The following ZFP64 variants were observed in gnomAD, a reference collection of about 807,000 sequenced individuals.
The protein encoded by ZFP64 is zinc finger protein 64.
ZFP64 carries 14 observed loss-of-function variants against 51.6 expected under a neutral mutation model. That is an observed-to-expected ratio of 0.27 (90% CI 0.18 to 0.42). The LOEUF (loss-of-function observed/expected upper bound fraction) is 0.42, where lower values mean the gene tolerates loss of function less well. Ranked by LOEUF, ZFP64 falls within the 10% of genes least tolerant of loss-of-function variation. The pLI, the probability that ZFP64 is intolerant of heterozygous loss-of-function variation, is 1.00. For missense variants in ZFP64, 754 were observed against 906.8 expected (o/e 0.83, Z 2.16); for synonymous variants, 375 against 361.4 (o/e 1.04, Z -0.43).
At chr20:52,110,958 CA>C (rs1471620447) in intron 5 of ZFP64, 1 of 1,539,532 alleles carries the variant, frequency 6.5e-7, no homozygotes, top group African/African-American at 1.4e-5. Context: ...TGTTGAACTT[CA>C]CCAAGACGAA....
intron 5 of ZFP64, among the ~76,000 whole-genome samples, chr20:52,125,490 A>G (rs1457322978): frequency 6.6e-6 from 1 of 152,242 alleles, no homozygotes; most frequent in African/African-American, 2.4e-5. Context: ...CAGCCATCAT[A>G]CACTAGTTAA....
chr20:52,094,491 T>C (rs2078963084), intron 7 of ZFP64, among the ~76,000 whole-genome samples: 1 of 152,160 alleles, frequency 6.6e-6, no homozygotes, highest in Admixed American at 6.5e-5. Context: ...GGGGGAAGGG[T>C]GGCTCACGCC....
At chr20:52,142,306 T>G (rs1444227266) in intron 5 of ZFP64, among the ~76,000 whole-genome samples, 1 of 151,090 alleles carries the variant, frequency 6.6e-6, no homozygotes, top group Non-Finnish European at 1.5e-5. Flanking sequence ...CGGCGGAGGT[T>G]GCAGTGAGCC....
chr20:52,092,266 A>C (rs2078935407), intron 7 of ZFP64, among the ~76,000 whole-genome samples: 1 of 152,340 alleles, frequency 6.6e-6, no homozygotes, highest in East Asian at 1.9e-4. Context: ...TTTCCTCTGC[A>C]TTGTAAGATG....
Position 52,084,375 on chromosome 20 carries a change from A to G in ZFP64, c.*182T>C, listed in dbSNP as rs191654874. 127 of 609,532 alleles carry G rather than the reference A, an allele frequency of 2.1e-4. No homozygotes were observed. In the East Asian group the frequency reaches 3.3e-3, roughly 16 times the overall value. The allele number at this position is 609,532 out of a possible 1,614,324, so 37.8% of individuals were successfully genotyped here. On this transcript the variant is annotated 3_prime_UTR_variant, in exon 9 of 9. Transcript: ENST00000361387. Reference sequence around the variant, plus strand: ...AGACAAATGCGAGGAGTGTCTCCACAGCCCTGCTTTGCTTTGCTTTCGTCA... The same window carrying G: ...AGACAAATGCGAGGAGTGTCTCCACGGCCCTGCTTTGCTTTGCTTTCGTCA...
At chr20:52,124,624 T>C (rs990724762) in intron 5 of ZFP64, among the ~76,000 whole-genome samples, 1 of 152,072 alleles carries the variant, frequency 6.6e-6, no homozygotes, top group Admixed American at 6.6e-5. Flanking sequence ...TATTTTTTTT[T>C]TTTGAAACAG....
intron 1 of ZFP64, among the ~76,000 whole-genome samples, chr20:52,187,413 G>GAACCT (rs1984050457): frequency 6.6e-6 from 1 of 152,036 alleles, no homozygotes; most frequent in East Asian, 1.9e-4. Context: ...CCTGAGGTCA[G>GAACCT]GAGTTCGAGA....
intron 7 of ZFP64, among the ~76,000 whole-genome samples, chr20:52,095,935 C>T (rs1291033100): frequency 1.3e-5 from 2 of 152,226 alleles, no homozygotes; most frequent in Admixed American, 6.5e-5. Flanking sequence ...AACTGAGCTG[C>T]CTCGTCTTTC....
At position 52,085,309 on chromosome 20, in the gene ZFP64, A is replaced by C; in HGVS notation, c.1229-43T>G. On this transcript the variant is annotated intron_variant, in intron 8 of 8. Coordinates refer to the ZFP64 transcript ENST00000361387. The surrounding 1 kb of genome is among the most constrained non-coding windows in gnomAD (Gnocchi z 4.3). ...GTTTCCATTAGAACAGGCAGGCAAA[A>C]CAGACCCTCCCACCCCAACCTGCCT... is the stretch of plus-strand genomic sequence containing the variant. 1 of 1,544,866 alleles carries C rather than the reference A, an allele frequency of 6.5e-7. No individual in the cohort carries two copies. The highest frequency in any genetic ancestry group is 8.8e-7 in the Non-Finnish European group (1 of 1,141,788).
Position 52,144,421 on chromosome 20 carries a change from T to C in ZFP64, c.763+15702A>G, listed in dbSNP as rs185660851. 4.9e-4 allele frequency among the ~76,000 whole-genome samples: 73 copies of C among 148,326 alleles called. 1 individual carries two copies. Among genetic ancestry groups the C allele is most frequent in the Non-Finnish European group, 1.6e-4 (11 of 66,800 alleles). On this transcript the variant is annotated intron_variant, in intron 5 of 8. Transcript: ENST00000361387. ...GGTGAAACCCCGTCTCTACAAAATA[T>C]ACAAAAAAATTAGCTGGGTGTGGTA... is the stretch of plus-strand genomic sequence containing the variant.
chr20:52,171,148 C>G (rs1009280447), intron 2 of ZFP64, among the ~76,000 whole-genome samples: 4 of 152,174 alleles, frequency 2.6e-5, no homozygotes, highest in Non-Finnish European at 4.4e-5. Flanking sequence ...CTGGCGCCTC[C>G]TAGCTGGATT....
chr20:52,165,355 C>T (rs944150067), intron 3 of ZFP64: 3 of 455,342 alleles, frequency 6.6e-6, no homozygotes, highest in African/African-American at 2.0e-5. Context: ...ATCACATTGT[C>T]AGCAACTTTC....
chr20:52,115,104 T>G (rs1978792549), intron 5 of ZFP64, among the ~76,000 whole-genome samples: 1 of 149,222 alleles, frequency 6.7e-6, no homozygotes, highest in Non-Finnish European at 1.5e-5. Flanking sequence ...ACTGGGAGGC[T>G]GAGGCAGGAG....
At chr20:52,132,250 G>A (rs755725425) in intron 5 of ZFP64, among the ~76,000 whole-genome samples, 12 of 151,898 alleles carry the variant, frequency 7.9e-5, no homozygotes, top group Non-Finnish European at 1.5e-4. Flanking sequence ...ATAACTATAA[G>A]AGTTTACATA....
chr20:52,146,042 T>C (rs956692242), intron 5 of ZFP64, among the ~76,000 whole-genome samples: 3 of 152,208 alleles, frequency 2.0e-5, no homozygotes, highest in African/African-American at 7.2e-5. Context: ...CTATAAGCCT[T>C]TTCTATTTTA....
chr20:52,097,466 T>G, intron 6 of ZFP64: 1 of 1,589,324 alleles, frequency 6.3e-7, no homozygotes, highest in Non-Finnish European at 8.5e-7. Flanking sequence ...TTTTTTTTTT[T>G]TTTTTGGAGA....
chr20:52,169,901 A>G (rs1256402079), intron 2 of ZFP64, among the ~76,000 whole-genome samples: 1 of 151,950 alleles, frequency 6.6e-6, no homozygotes, highest in Admixed American at 6.6e-5. Context: ...TAAAAATACA[A>G]AATTAGCTGG....
intron 2 of ZFP64, among the ~76,000 whole-genome samples, chr20:52,171,637 A>G (rs561426409): frequency 5.3e-5 from 8 of 151,514 alleles, no homozygotes; most frequent in African/African-American, 1.7e-4. Flanking sequence ...TTACAGGCAC[A>G]CACCACCACA....
At chr20:52,164,052 T>A (rs1269095869) in intron 4 of ZFP64, among the ~76,000 whole-genome samples, 4 of 152,160 alleles carry the variant, frequency 2.6e-5, no homozygotes, top group Non-Finnish European at 5.9e-5. Flanking sequence ...GGCTCACACC[T>A]GTAAACCTAG....
Sources: allele counts gnomAD v4.1 joint callset (sites outside exome capture counted in the v4.1 genomes callset), GRCh38; gene constraint gnomAD v4.1.1; non-coding constraint Gnocchi (gnomAD v3.1); transcripts MANE v1.5; gene names NCBI Gene and HGNC (gene_info 2026-07-23, HGNC 2026-07-21).